FPR2: variants seen among roughly 807,000 people sequenced by gnomAD.
FPR2 encodes formyl peptide receptor 2.
Under a neutral mutation model 4.0 loss-of-function variants are expected in FPR2, and 3 were observed. The observed-to-expected ratio is 0.74, with a 90% CI of 0.34 to 1.92. The LOEUF is 1.92. Ranked by LOEUF, FPR2 falls within the 30% of genes most tolerant of loss-of-function variation. The pLI, the probability that FPR2 is intolerant of heterozygous loss-of-function variation, is 0.07. For synonymous variants in FPR2, 179 were observed against 171.5 expected, an observed-to-expected ratio of 1.04 and a Z score of -0.34; for missense variants, 372 against 435.7, an observed-to-expected ratio of 0.85 and a Z score of 1.30.
chr19:51,766,751 A>G (rs1379043225), intron 1 of FPR2, among the ~76,000 whole-genome samples: 1 of 152,118 alleles, frequency 6.6e-6, no homozygotes, highest in African/African-American at 2.4e-5. Flanking sequence ...CCCAGATGTG[A>G]TGGCTGTTTC....
At position 51,770,400 on chromosome 19, in the gene FPR2, T is replaced by C. The variant is rs2083894145; in HGVS notation, c.*686T>C. The C allele has an allele frequency of 6.0e-6, 1 of 167,070 alleles. No individual in the cohort carries two copies. The highest frequency in any genetic ancestry group is 1.5e-5 in the Non-Finnish European group (1 of 68,114). 10.3% of individuals were successfully genotyped at this position (167,070 alleles called of 1,614,324 possible). A position where few individuals can be genotyped will look rare whatever the true frequency, so the allele number is the denominator to read the frequency against. ...CTTTTTCTACTATCCTTGCTAAGTT[T>C]TCATAGAAAATAAGGAACAAAGAGA... On this transcript the variant is annotated 3_prime_UTR_variant, in exon 2 of 2. Coordinates refer to ENST00000340023, the MANE Select transcript of FPR2 (RefSeq NM_001005738.2).
intron 1 of FPR2, chr19:51,763,385 G>A (rs2083851535): frequency 6.6e-6 from 1 of 152,178 alleles, no homozygotes; most frequent in South Asian, 2.1e-4. Context: ...TAAGGAGAAG[G>A]AAGCGATCCA....
At chr19:51,766,385 G>A (rs962275911) in intron 1 of FPR2, among the ~76,000 whole-genome samples, 3 of 151,600 alleles carry the variant, frequency 2.0e-5, no homozygotes, top group Non-Finnish European at 4.4e-5. Flanking sequence ...ATCCTACTGT[G>A]TCCAGAACAG....
At chr19:51,763,840 C>T (rs2083853663) in intron 1 of FPR2, among the ~76,000 whole-genome samples, 1 of 152,186 alleles carries the variant, frequency 6.6e-6, no homozygotes, top group Non-Finnish European at 1.5e-5. Context: ...TCACTGCAAC[C>T]TCCGCCTTCC....
At chr19:51,763,080 A>C (rs1168309145) in intron 1 of FPR2, 1 of 152,090 alleles carries the variant, frequency 6.6e-6, no homozygotes, top group East Asian at 1.9e-4. Context: ...CCGTGGGGAG[A>C]GGTTATATCA....
intron 1 of FPR2, among the ~76,000 whole-genome samples, chr19:51,765,937 T>C (rs953409793): frequency 1.3e-5 from 2 of 152,172 alleles, no homozygotes; most frequent in Non-Finnish European, 1.5e-5. Context: ...AGTATATATA[T>C]ATATTTTAGA....
chr19:51,763,657 A>T (rs2083852735), intron 1 of FPR2: 1 of 152,244 alleles, frequency 6.6e-6, no homozygotes, highest in African/African-American at 2.4e-5. Flanking sequence ...TCTCAGGAGA[A>T]ATAGGGTTAA....
intron 1 of FPR2, among the ~76,000 whole-genome samples, chr19:51,763,704 G>T (rs995160022): frequency 6.6e-6 from 1 of 152,136 alleles, no homozygotes; most frequent in Non-Finnish European, 1.5e-5. Flanking sequence ...CTTTTTGGTT[G>T]TTTTTTGTTT....
chr19:51,764,986 C>T (rs1033602405), intron 1 of FPR2, among the ~76,000 whole-genome samples: 1 of 152,142 alleles, frequency 6.6e-6, no homozygotes, highest in African/African-American at 2.4e-5. Context: ...ACCACCATGC[C>T]CAGCTAATTT....
At chr19:51,767,210 A>G (rs925168834) in intron 1 of FPR2, among the ~76,000 whole-genome samples, 1 of 152,186 alleles carries the variant, frequency 6.6e-6, no homozygotes, top group Admixed American at 6.5e-5. Context: ...TTTGCTAAGG[A>G]TAATGAATAC....
At position 51,768,818 on chromosome 19, in the gene FPR2, C is replaced by T. The variant is rs267605624; in HGVS notation, c.160C>T (p.Arg54Trp). Residue 54 changes from arginine (R) to tryptophan (W), a missense_variant, in exon 2 of 2, where the codon CGG (arginine) becomes TGG (tryptophan). Physicochemically the swap from Arg to Trp is moderately radical, Grantham distance 101. Coordinates refer to ENST00000340023, the MANE Select transcript of FPR2 (RefSeq NM_001005738.2). The part of the protein sequence containing the change: ...NGLVIWVAGF[R>W]MTRTVTTICY... ...GCTTGTGATCTGGGTGGCTGGATTC[C>T]GGATGACACGCACAGTCACCACCAT... 66 of 1,613,960 alleles carry T rather than the reference C, an allele frequency of 4.1e-5. No individual in the cohort carries two copies. Among genetic ancestry groups the T allele is most frequent in the African/African-American group, 1.1e-4 (8 of 74,874 alleles).
intron 1 of FPR2, chr19:51,763,368 C>T (rs924960139): frequency 1.3e-5 from 2 of 152,116 alleles, no homozygotes; most frequent in South Asian, 2.1e-4. Context: ...ACAGGAAAAA[C>T]GTGATTTAAG....
intron 1 of FPR2, among the ~76,000 whole-genome samples, chr19:51,763,902 G>C (rs940084400): frequency 2.0e-5 from 3 of 152,142 alleles, no homozygotes; most frequent in Non-Finnish European, 2.9e-5. Flanking sequence ...GGGATTGCAA[G>C]CGCGTGCCAT....
In FPR2 at chr19:51,761,742, G is replaced by A. The variant is rs534351316; in HGVS notation, c.-15+512G>A. Among the ~76,000 whole-genome samples, 7 of 152,240 alleles carry A rather than the reference G, an allele frequency of 4.6e-5. No individual in the cohort carries two copies. In the South Asian group the frequency reaches 1.4e-3, roughly 32 times the overall value. On this transcript the variant is annotated intron_variant, in intron 1 of 1. Coordinates refer to ENST00000340023, the MANE Select transcript of FPR2 (RefSeq NM_001005738.2). ...TAGGAGGCCGAGGTTGCAGTGAGCC[G>A]ATATCGTGCCATTGCACTCCAGCCT...
Position 51,768,794 on chromosome 19 carries a change from C to T in FPR2, c.136C>T (p.Leu46Phe). 6.2e-7 allele frequency: 1 copy of T among 1,614,156 alleles called. No individual in the cohort carries two copies. ...TGTCCTCGGGGTCCTGGGCAATGGG[C>T]TTGTGATCTGGGTGGCTGGATTCCG... ...TFVLGVLGNG[L>F]VIWVAGFRMT... Residue 46 changes from leucine (L) to phenylalanine (F), a missense_variant, in exon 2 of 2, where the codon CTT (leucine) becomes TTT (phenylalanine). Leu to Phe is a conservative substitution (Grantham distance 22). Transcript: ENST00000340023.
intron 1 of FPR2, chr19:51,762,434 C>G: frequency 6.6e-6 from 1 of 151,816 alleles, no homozygotes; most frequent in Non-Finnish European, 1.4e-5. Flanking sequence ...CTCTTGTTGC[C>G]CAGGCTGGAG....
At chr19:51,763,150 T>A (rs1411688150) in intron 1 of FPR2, 1 of 152,106 alleles carries the variant, frequency 6.6e-6, no homozygotes, top group East Asian at 1.9e-4. Context: ...AGCATGATAT[T>A]TTAAGCCCTG....
chr19:51,764,965 T>A (rs1024531538), intron 1 of FPR2, among the ~76,000 whole-genome samples: 3 of 152,176 alleles, frequency 2.0e-5, no homozygotes, highest in African/African-American at 7.2e-5. Context: ...TAACTGGGAT[T>A]ACAGGCACCC....
At chr19:51,768,372 G>A (rs2083879235) in intron 1 of FPR2, 1 of 369,920 alleles carries the variant, frequency 2.7e-6, no homozygotes. Flanking sequence ...TACAACATAA[G>A]TTCAGTATGA....
Sources: gnomAD v4.1 joint callset for allele counts (sites outside exome capture counted in the v4.1 genomes callset) on GRCh38, gnomAD v4.1.1 for gene constraint, MANE v1.5 for transcripts, NCBI Gene and HGNC (gene_info 2026-07-23, HGNC 2026-07-21) for gene names.